ADGRB3: variants seen among roughly 807,000 people sequenced by gnomAD.
ADGRB3 encodes the protein brain-specific angiogenesis inhibitor 3.
Under a neutral mutation model 193.4 loss-of-function variants are expected in ADGRB3, and 37 were observed. The observed-to-expected ratio is 0.19, with a 90% CI of 0.15 to 0.25. ADGRB3 has a LOEUF of 0.25. Among genes scored for constraint, ADGRB3 ranks in the 10% least tolerant of loss-of-function variants. ADGRB3 has a pLI of 1.00. For synonymous variants in ADGRB3, 690 were observed against 644.2 expected (o/e 1.07, Z -1.08); for missense variants, 1,637 against 1,852.9 (o/e 0.88, Z 2.14).
intron 17 of ADGRB3, among the ~76,000 whole-genome samples, chr6:69,135,904 G>T (rs542166757): frequency 6.6e-5 from 10 of 152,156 alleles, no homozygotes; most frequent in African/African-American, 1.9e-4. Context: ...CTCTACAAAA[G>T]ATTCCCTGTG....
chr6:68,890,644 A>G (rs1766048340), intron 3 of ADGRB3, among the ~76,000 whole-genome samples: 1 of 152,242 alleles, frequency 6.6e-6, no homozygotes, highest in Non-Finnish European at 1.5e-5. Context: ...CAGGTACAAG[A>G]CATTAATAAA....
At chr6:69,102,639 C>G (rs1293282099) in intron 17 of ADGRB3, among the ~76,000 whole-genome samples, 1 of 152,128 alleles carries the variant, frequency 6.6e-6, no homozygotes, top group Non-Finnish European at 1.5e-5. Flanking sequence ...AGCAGCAGGG[C>G]CACCAAGGTA....
intron 10 of ADGRB3, among the ~76,000 whole-genome samples, chr6:68,991,467 T>C (rs1769234741): frequency 6.6e-6 from 1 of 151,676 alleles, no homozygotes; most frequent in African/African-American, 2.4e-5. Context: ...ACGGACTCCA[T>C]TTTAGGTAGG....
chr6:68,979,908 C>A (rs942531915), intron 10 of ADGRB3, among the ~76,000 whole-genome samples: 1 of 151,372 alleles, frequency 6.6e-6, no homozygotes, highest in African/African-American at 2.4e-5. Flanking sequence ...CAAACACACA[C>A]CTGGGGAGAC....
intron 20 of ADGRB3, among the ~76,000 whole-genome samples, chr6:69,309,501 A>T (rs1327346547): frequency 2.6e-5 from 4 of 151,760 alleles, no homozygotes; most frequent in Non-Finnish European, 5.9e-5. Flanking sequence ...ACTGAATGTG[A>T]ATCATAATCT....
rs1440745714 is a variant in ADGRB3 at position 68,782,086 on chromosome 6, G to A, written c.757+142654G>A. 4.7e-5 allele frequency among the ~76,000 whole-genome samples: 7 copies of A among 149,324 alleles called. No individual in the cohort carries two copies. In the South Asian group the frequency reaches 6.5e-4, roughly 14 times the overall value. On this transcript the variant is annotated intron_variant, in intron 3 of 31. Transcript: ENST00000370598. ...GCTGCACCCATTAACTCGTCATTTAGCATTAGGTATATCTCCTAATGCTAT... is the reference window on the plus strand; with the variant it reads ...GCTGCACCCATTAACTCGTCATTTAACATTAGGTATATCTCCTAATGCTAT...
chr6:69,137,953 A>G (rs1774204157), intron 17 of ADGRB3, among the ~76,000 whole-genome samples: 1 of 152,176 alleles, frequency 6.6e-6, no homozygotes. Flanking sequence ...TGATAAACAT[A>G]TTGACACCTT....
chr6:69,047,104 C>A (rs1480279275), intron 13 of ADGRB3, among the ~76,000 whole-genome samples: 2 of 152,148 alleles, frequency 1.3e-5, no homozygotes, highest in Non-Finnish European at 2.9e-5. Flanking sequence ...CGTGATCCAC[C>A]CACCTCAGCC....
chr6:69,101,133 T>C (rs1195375933), intron 17 of ADGRB3, among the ~76,000 whole-genome samples: 3 of 151,918 alleles, frequency 2.0e-5, no homozygotes, highest in Middle Eastern at 3.2e-3. Context: ...TTACCACTCT[T>C]TAGTGGTTTC....
intron 11 of ADGRB3, among the ~76,000 whole-genome samples, chr6:69,006,392 G>A (rs541692508): frequency 2.0e-5 from 3 of 151,832 alleles, no homozygotes; most frequent in East Asian, 1.9e-4. Flanking sequence ...AAAAAAACCC[G>A]CATTTACTTT....
chr6:68,925,291 A>T (rs1169195695), intron 3 of ADGRB3, among the ~76,000 whole-genome samples: 1 of 152,024 alleles, frequency 6.6e-6, no homozygotes, highest in Non-Finnish European at 1.5e-5. Context: ...CACTATCAAA[A>T]TATCTCCCAA....
chr6:68,839,379 A>G (rs7757973), intron 3 of ADGRB3, among the ~76,000 whole-genome samples: 4,267 of 152,278 alleles, frequency 0.028, 203 homozygotes, highest in African/African-American at 0.096. Context: ...TGGTGACTTC[A>G]TTATGTAGTG....
chr6:68,767,145 TGTATAA>T (rs1766525558), intron 3 of ADGRB3, among the ~76,000 whole-genome samples: 1 of 152,148 alleles, frequency 6.6e-6, no homozygotes. Context: ...ATAAATCATT[TGTATAA>T]GTATCTTTAT....
chr6:68,677,591 C>T (rs1769127841), intron 3 of ADGRB3, among the ~76,000 whole-genome samples: 1 of 140,394 alleles, frequency 7.1e-6, no homozygotes, highest in Non-Finnish European at 1.5e-5. Flanking sequence ...GATTTCAGCT[C>T]ACTGCAACCT....
chr6:69,031,037 C>CTCTTCTCTTCTCT (rs1554248319), intron 13 of ADGRB3, among the ~76,000 whole-genome samples: 2 of 36,560 alleles, frequency 5.5e-5, no homozygotes, highest in African/African-American at 2.7e-4. Context: ...CTCTTCTCTT[C>CTCTTCTCTTCTCT]TCTCTTCTCT....
intron 26 of ADGRB3, among the ~76,000 whole-genome samples, chr6:69,350,164 GGA>G (rs1276770716): frequency 3.3e-5 from 5 of 152,104 alleles, no homozygotes; most frequent in African/African-American, 1.2e-4. Flanking sequence ...AGCTTTTTCA[GGA>G]GTTTTTAGAG....
chr6:69,216,133 A>T (rs959324506), intron 17 of ADGRB3, among the ~76,000 whole-genome samples: 6 of 152,062 alleles, frequency 3.9e-5, no homozygotes, highest in Non-Finnish European at 7.4e-5. Context: ...CACCTTCCCA[A>T]AATCCTAGTA....
intron 3 of ADGRB3, among the ~76,000 whole-genome samples, chr6:68,729,197 T>A (rs1765727206): frequency 6.6e-6 from 1 of 151,652 alleles, no homozygotes; most frequent in Non-Finnish European, 1.5e-5. Context: ...CTGGGCTGTG[T>A]GCTTAGATGG....
At chr6:69,171,830 T>C (rs1207462894) in intron 17 of ADGRB3, among the ~76,000 whole-genome samples, 1 of 152,212 alleles carries the variant, frequency 6.6e-6, no homozygotes, top group Non-Finnish European at 1.5e-5. Context: ...AAGATGTTGC[T>C]ACCCAATATC....
Sources: allele counts gnomAD v4.1 joint callset (sites outside exome capture counted in the v4.1 genomes callset), GRCh38; gene constraint gnomAD v4.1.1; transcripts MANE v1.5; gene names NCBI Gene and HGNC (gene_info 2026-07-23, HGNC 2026-07-21).